The following ELOVL7 variants were observed in gnomAD, a reference collection of about 807,000 sequenced individuals.
ELOVL7 encodes very long chain fatty acid elongase 7.
A neutral mutation model predicts 35.7 loss-of-function variants in ELOVL7; 27 were observed. The ratio of observed to expected loss-of-function variants is 0.76; its 90% confidence interval spans 0.56 to 1.04. ELOVL7 has a LOEUF of 1.04. Among genes scored for constraint, ELOVL7 ranks in the 50% least tolerant of loss-of-function variants. The probability of loss-of-function intolerance (pLI) is 0.00; values close to 1 mark genes in which losing one functional copy is unlikely to be tolerated. For missense variants in ELOVL7, 327 were observed against 340.8 expected (o/e 0.96, Z 0.32); for synonymous variants, 113 against 114.6 (o/e 0.99, Z 0.09).
intron 7 of ELOVL7, among the ~76,000 whole-genome samples, chr5:60,759,760 G>T (rs1399721820): frequency 6.6e-6 from 1 of 151,870 alleles, no homozygotes; most frequent in Admixed American, 6.6e-5. Context: ...TTAGCATTAG[G>T]TATATCTCCT....
intron 3 of ELOVL7, 56 bp downstream of exon 3, chr5:60,787,278 G>A (rs1743655250): frequency 1.4e-6 from 2 of 1,397,264 alleles, no homozygotes; most frequent in South Asian, 2.5e-5. Flanking sequence ...TATTAAATAT[G>A]AGAATCTGAC....
intron 1 of ELOVL7, among the ~76,000 whole-genome samples, chr5:60,810,588 C>G (rs1745186721): frequency 6.6e-6 from 1 of 152,172 alleles, no homozygotes; most frequent in Non-Finnish European, 1.5e-5. Flanking sequence ...TATATGTAAC[C>G]AGTACTGATA....
intron 3 of ELOVL7, among the ~76,000 whole-genome samples, chr5:60,777,107 G>A (rs1219324828): frequency 6.6e-6 from 1 of 151,800 alleles, no homozygotes; most frequent in East Asian, 1.9e-4. Flanking sequence ...AGGGTACTAG[G>A]GGGGTTGGGG....
At chr5:60,802,937 G>C (rs1038441623) in intron 1 of ELOVL7, among the ~76,000 whole-genome samples, 2 of 152,156 alleles carry the variant, frequency 1.3e-5, no homozygotes, top group East Asian at 1.9e-4. Flanking sequence ...TCCTGAGTTG[G>C]CAAAATTCTC....
intron 6 of ELOVL7, 124 bp downstream of exon 6, chr5:60,766,450 G>C (rs1742241072): frequency 5.0e-6 from 4 of 795,618 alleles, no homozygotes; most frequent in African/African-American, 1.7e-5. Flanking sequence ...CTGAATAGGA[G>C]AAATAACCAA....
Position 60,757,550 on chromosome 5 carries a change from T to C in ELOVL7, c.595A>G (p.Lys199Glu), listed in dbSNP as rs2112121860. 3 of 1,613,468 alleles carry C rather than the reference T, an allele frequency of 1.9e-6. No homozygotes were observed. In the East Asian group the frequency reaches 6.7e-5, roughly 36 times the overall value. The stretch of plus-strand genomic sequence containing the variant: ...AAATATTTTTTCCACCACAAATACT[T>C]CTGGTAGGCTGGCCCCAATGCAGAA... ...GLSALGPAYQ[K>E]YLWWKKYLTS... Residue 199 changes from lysine (K) to glutamate (E), a missense_variant, in exon 8 of 9, where the codon AAG becomes GAG. By Grantham distance (56) the Lys-to-Glu change is moderately conservative. Transcript: ENST00000508821.
At chr5:60,810,912 T>C (rs1745204633) in intron 1 of ELOVL7, among the ~76,000 whole-genome samples, 2 of 152,176 alleles carry the variant, frequency 1.3e-5, no homozygotes, top group African/African-American at 4.8e-5. Flanking sequence ...GAAATTCTCA[T>C]AGCTGTACTG....
At chr5:60,836,436 C>T (rs544714520) in intron 1 of ELOVL7, among the ~76,000 whole-genome samples, 1 of 152,036 alleles carries the variant, frequency 6.6e-6, no homozygotes, top group Non-Finnish European at 1.5e-5. Context: ...GCTGTGCTTT[C>T]TAGCTAACTG....
Position 60,754,356 on chromosome 5 carries a change from T to G in ELOVL7, c.*268A>C, listed in dbSNP as rs1286795745. The stretch of plus-strand genomic sequence containing the variant: ...TCTTTTTTTCACTGCAACAAAATGT[T>G]TTAAACAAAACCTTTGGATTAGGTT... On this transcript the variant is annotated 3_prime_UTR_variant, in exon 9 of 9. Coordinates refer to ENST00000508821, the MANE Select transcript of ELOVL7 (RefSeq NM_024930.3). 2.4e-6 allele frequency: 1 copy of G among 412,904 alleles called. No homozygotes were observed. The highest frequency in any genetic ancestry group is 4.4e-6 in the Non-Finnish European group (1 of 227,094). 25.6% of individuals were successfully genotyped at this position (412,904 alleles called of 1,614,324 possible).
chr5:60,805,606 G>A (rs1579883048), intron 1 of ELOVL7, among the ~76,000 whole-genome samples: 1 of 152,126 alleles, frequency 6.6e-6, no homozygotes, highest in Non-Finnish European at 1.5e-5. Context: ...AGCAGGGAGA[G>A]CAATTACACA....
At chr5:60,828,442 T>C (rs1017072157) in intron 1 of ELOVL7, among the ~76,000 whole-genome samples, 3 of 152,192 alleles carry the variant, frequency 2.0e-5, no homozygotes, top group Admixed American at 6.5e-5. Flanking sequence ...ACAAAACATA[T>C]ACCTAACAGC....
At chr5:60,835,472 T>A (rs1477808123) in intron 1 of ELOVL7, among the ~76,000 whole-genome samples, 1 of 151,926 alleles carries the variant, frequency 6.6e-6, no homozygotes, top group Non-Finnish European at 1.5e-5. Context: ...AGTACAGTGG[T>A]GCAATCACAG....
intron 1 of ELOVL7, among the ~76,000 whole-genome samples, chr5:60,811,350 T>C (rs1745227245): frequency 6.6e-6 from 1 of 152,176 alleles, no homozygotes; most frequent in Admixed American, 6.5e-5. Context: ...TCTAAGTGTT[T>C]CTCTTTATTG....
chr5:60,768,741 A>G, intron 4 of ELOVL7: 1 of 454,986 alleles, frequency 2.2e-6, no homozygotes, highest in Non-Finnish European at 4.4e-6. Context: ...CATATATGAA[A>G]TTGTTGGCTT....
chr5:60,839,940 C>T (rs181966273), intron 1 of ELOVL7, among the ~76,000 whole-genome samples: 11 of 151,194 alleles, frequency 7.3e-5, no homozygotes, highest in South Asian at 6.3e-4. Context: ...ATTGAGGCTG[C>T]GGAAAGCCAT....
chr5:60,770,196 C>T lies in ELOVL7; in HGVS notation c.255+1707G>A, dbSNP rs552681684. On this transcript the variant is annotated intron_variant, in intron 4 of 8. Coordinates refer to ENST00000508821, the MANE Select transcript of ELOVL7 (RefSeq NM_024930.3). ...CTCTCAAATTCAGATATTTTAAAATCTTCTTTTACATTGTAATTGATCAAG... is the reference window on the plus strand; with the variant it reads ...CTCTCAAATTCAGATATTTTAAAATTTTCTTTTACATTGTAATTGATCAAG... 9.9e-5 allele frequency among the ~76,000 whole-genome samples: 15 copies of T among 152,198 alleles called. No individual in the cohort carries two copies. The South Asian group carries it at 3.1e-3, about 32-fold the overall frequency.
intron 1 of ELOVL7, among the ~76,000 whole-genome samples, chr5:60,815,137 C>T (rs925015624): frequency 6.6e-5 from 10 of 152,190 alleles, no homozygotes; most frequent in African/African-American, 9.7e-5. Flanking sequence ...ATACAATAAT[C>T]GGTCCACATT....
rs986099507 is a variant in ELOVL7, at chr5:60,820,279, C to A, written c.-85-21049G>T. Reference sequence around the variant, plus strand: ...TCCTAATAAGAGCCCAATTGACCAACACCTTAATTGGGCCTTGTGAAACAC... The same window carrying A: ...TCCTAATAAGAGCCCAATTGACCAAAACCTTAATTGGGCCTTGTGAAACAC... On this transcript the variant is annotated intron_variant, in intron 1 of 8. Transcript: ENST00000508821. Among the ~76,000 whole-genome samples the A allele has an allele frequency of 2.6e-5, 4 of 152,368 alleles. No homozygotes were observed. In the East Asian group the frequency reaches 7.7e-4, roughly 29 times the overall value.
intron 1 of ELOVL7, among the ~76,000 whole-genome samples, chr5:60,828,239 C>T (rs919597960): frequency 6.6e-6 from 1 of 152,150 alleles, no homozygotes; most frequent in African/African-American, 2.4e-5. Flanking sequence ...GCCAAGTACA[C>T]TTTTTTGCTG....
Sources: allele counts gnomAD v4.1 joint callset (sites outside exome capture counted in the v4.1 genomes callset), GRCh38; gene constraint gnomAD v4.1.1; transcripts MANE v1.5; gene names NCBI Gene and HGNC (gene_info 2026-07-23, HGNC 2026-07-21).